The following DYM variants were observed in gnomAD, a reference collection of about 807,000 sequenced individuals.
DYM encodes the protein dymeclin.
A neutral mutation model predicts 93.1 loss-of-function variants in DYM; 78 were observed. That is an observed-to-expected ratio of 0.84 (90% CI 0.70 to 1.01). The LOEUF (loss-of-function observed/expected upper bound fraction) is 1.01. DYM is among the 50% of genes least tolerant of loss of function. DYM has a pLI of 0.00. For synonymous variants in DYM, 321 were observed against 319.7 expected (o/e 1.00, Z -0.04); for missense variants, 789 against 845.0 (o/e 0.93, Z 0.82).
rs182726246 is a variant in DYM, at chr18:49,108,393, A to G, written c.1911+10351T>C. Among the ~76,000 whole-genome samples the G allele has an allele frequency of 4.6e-4, 70 of 152,334 alleles. No homozygotes were observed. The East Asian group carries it at 8.1e-3, about 18-fold the overall frequency. ...CCTCGCCCTGCTTCGGCTCACGCGC[A>G]GTGCGCTGCACCTACTGTCCTACAC... On this transcript the variant is annotated intron_variant, in intron 16 of 17. Transcript: ENST00000675505.
At chr18:49,062,520 A>G (rs112147091) in intron 17 of DYM, among the ~76,000 whole-genome samples, 2,838 of 152,316 alleles carry the variant, frequency 0.019, 79 homozygotes, top group African/African-American at 0.065. Flanking sequence ...GTTTCAGGGA[A>G]AACCACGAGC....
At chr18:49,292,688 A>C (rs575556925) in intron 8 of DYM, among the ~76,000 whole-genome samples, 2 of 151,810 alleles carry the variant, frequency 1.3e-5, no homozygotes, top group South Asian at 4.2e-4. Context: ...CTTGTGTTCC[A>C]AAAACCAAAT....
At chr18:49,348,198 G>A (rs1212058969) in intron 6 of DYM, among the ~76,000 whole-genome samples, 3 of 152,172 alleles carry the variant, frequency 2.0e-5, no homozygotes, top group African/African-American at 7.2e-5. Flanking sequence ...TAAGAAACCT[G>A]ATGGTACTGT....
intron 13 of DYM, among the ~76,000 whole-genome samples, chr18:49,224,445 G>A (rs1417314527): frequency 1.3e-5 from 2 of 152,012 alleles, no homozygotes; most frequent in East Asian, 3.9e-4. Flanking sequence ...GAAAAGAGAA[G>A]GGGTTGCTAC....
At chr18:49,339,435 G>T (rs928398683) in intron 6 of DYM, among the ~76,000 whole-genome samples, 1 of 152,114 alleles carries the variant, frequency 6.6e-6, no homozygotes, top group Non-Finnish European at 1.5e-5. Flanking sequence ...ACATAACTAC[G>T]ATGTGTGTTG....
At chr18:49,212,130 T>C (rs2092812417) in intron 13 of DYM, among the ~76,000 whole-genome samples, 1 of 152,226 alleles carries the variant, frequency 6.6e-6, no homozygotes, top group Non-Finnish European at 1.5e-5. Context: ...AACTGTTCTG[T>C]ATTCTCCAAA....
intron 17 of DYM, among the ~76,000 whole-genome samples, chr18:49,090,183 T>G (rs1391523634): frequency 1.3e-5 from 2 of 152,230 alleles, no homozygotes; most frequent in Non-Finnish European, 2.9e-5. Flanking sequence ...AGACTTGATC[T>G]TTGTCTTTAT....
At chr18:49,235,613 C>G (rs2093836194) in intron 13 of DYM, among the ~76,000 whole-genome samples, 1 of 151,846 alleles carries the variant, frequency 6.6e-6, no homozygotes, top group Non-Finnish European at 1.5e-5. Flanking sequence ...TTTAAGTGGC[C>G]TGACATTACA....
intron 2 of DYM, among the ~76,000 whole-genome samples, chr18:49,416,547 T>C (rs2073010374): frequency 6.6e-6 from 1 of 152,198 alleles, no homozygotes; most frequent in Non-Finnish European, 1.5e-5. Flanking sequence ...AGGTGTTAAT[T>C]TAAAACAAAA....
intron 11 of DYM, among the ~76,000 whole-genome samples, chr18:49,261,373 A>C (rs1046678003): frequency 2.6e-5 from 4 of 152,350 alleles, no homozygotes; most frequent in Middle Eastern, 3.4e-3. Flanking sequence ...TTGAAAAGTA[A>C]AAAATATAAA....
At position 49,379,624 on chromosome 18, in the gene DYM, T is replaced by C. The variant is rs763588579; in HGVS notation, c.287+41A>G. The stretch of plus-strand genomic sequence containing the variant: ...AATAAATGAAAACTAAAATTCACAT[T>C]GTTAAATATAAAGCAAACATGGTTT... On this transcript the variant is annotated intron_variant, in intron 4 of 17. Coordinates refer to ENST00000675505, the MANE Select transcript of DYM (RefSeq NM_001353214.3). The C allele has an allele frequency of 4.2e-5, 62 of 1,481,946 alleles. 1 individual carries two copies. The South Asian group carries it at 6.3e-4, about 15-fold the overall frequency. 91.8% of individuals were successfully genotyped at this position (1,481,946 alleles called of 1,614,324 possible). A position where few individuals can be genotyped will look rare whatever the true frequency, so the allele number is the denominator to read the frequency against.
At chr18:49,274,776 A>G (rs1451780478) in intron 10 of DYM, among the ~76,000 whole-genome samples, 3 of 152,108 alleles carry the variant, frequency 2.0e-5, no homozygotes, top group African/African-American at 4.8e-5. Flanking sequence ...AGCTATTTGT[A>G]TATCTTCCTT....
In DYM at chr18:49,379,590, A is replaced by G. The variant is rs1247133505; in HGVS notation, c.287+75T>C. ...AGAGATTTTCAAAAGACCACAGTCCATTTCCATCAATAAATGAAAACTAAA... is the reference window on the plus strand; with the variant it reads ...AGAGATTTTCAAAAGACCACAGTCCGTTTCCATCAATAAATGAAAACTAAA... On this transcript the variant is annotated intron_variant, in intron 4 of 17. Coordinates refer to ENST00000675505, the MANE Select transcript of DYM (RefSeq NM_001353214.3). 2.4e-6 allele frequency: 3 copies of G among 1,231,088 alleles called. No homozygotes were observed. The East Asian group carries it at 7.0e-5, about 29-fold the overall frequency. 76.3% of individuals were successfully genotyped at this position (1,231,088 alleles called of 1,614,324 possible). A position where few individuals can be genotyped will look rare whatever the true frequency, so the allele number is the denominator to read the frequency against.
At chr18:49,328,235 T>G (rs2063044733) in intron 8 of DYM, among the ~76,000 whole-genome samples, 1 of 152,224 alleles carries the variant, frequency 6.6e-6, no homozygotes, top group Admixed American at 6.5e-5. Flanking sequence ...GGGAGAATGA[T>G]GCATGTACAT....
At chr18:49,270,988 G>A (rs1388401919) in intron 11 of DYM, among the ~76,000 whole-genome samples, 1 of 152,068 alleles carries the variant, frequency 6.6e-6, no homozygotes, top group Non-Finnish European at 1.5e-5. Flanking sequence ...CAGGGACACA[G>A]TCCCAGAGAA....
At chr18:49,223,854 G>A (rs558875990) in intron 13 of DYM, among the ~76,000 whole-genome samples, 3 of 152,248 alleles carry the variant, frequency 2.0e-5, no homozygotes, top group South Asian at 4.1e-4. Context: ...AGGACAATGT[G>A]TAAGGAGCTG....
chr18:49,357,351 A>C (rs1036846352), intron 6 of DYM, among the ~76,000 whole-genome samples: 2 of 152,236 alleles, frequency 1.3e-5, no homozygotes, highest in African/African-American at 4.8e-5. Flanking sequence ...TACTAAGAAT[A>C]ATCTAGGGAC....
chr18:49,440,524 AAT>A (rs2081274372), intron 1 of DYM, among the ~76,000 whole-genome samples: 2 of 38,724 alleles, frequency 5.2e-5, no homozygotes, highest in Non-Finnish European at 8.4e-5. Context: ...ATATTTATAT[AAT>A]ATATGACTAT....
chr18:49,241,359 G>A (rs151148793), intron 13 of DYM, among the ~76,000 whole-genome samples: 14 of 152,298 alleles, frequency 9.2e-5, no homozygotes, highest in Non-Finnish European at 2.1e-4. Flanking sequence ...CACACTATTA[G>A]CTACATGACC....
Sources: allele counts gnomAD v4.1 joint callset (sites outside exome capture counted in the v4.1 genomes callset), GRCh38; gene constraint gnomAD v4.1.1; transcripts MANE v1.5; gene names NCBI Gene and HGNC (gene_info 2026-07-23, HGNC 2026-07-21).